The following DOCK4 variants were observed in gnomAD, a reference collection of about 807,000 sequenced individuals.
DOCK4 encodes dedicator of cytokinesis 4.
DOCK4 carries 97 observed loss-of-function variants against 268.1 expected under a neutral mutation model. The observed-to-expected ratio is 0.36, with a 90% CI of 0.31 to 0.43. DOCK4 has a LOEUF of 0.43. Ranked by LOEUF, DOCK4 falls within the 20% of genes least tolerant of loss-of-function variation. The pLI is 1.00. For synonymous variants in DOCK4, 954 were observed against 887.2 expected (o/e 1.08, Z -1.34); for missense variants, 2,145 against 2,455.7 (o/e 0.87, Z 2.67).
At chr7:111,757,601 A>G (rs945052532) in intron 41 of DOCK4, among the ~76,000 whole-genome samples, 1 of 151,868 alleles carries the variant, frequency 6.6e-6, no homozygotes, top group African/African-American at 2.4e-5. Context: ...TATTTAGCCC[A>G]TCAAATCTCT....
chr7:112,078,997 T>C (rs1005407254), intron 1 of DOCK4, among the ~76,000 whole-genome samples: 3 of 151,978 alleles, frequency 2.0e-5, no homozygotes, highest in South Asian at 2.1e-4. Context: ...TATGGTGGCA[T>C]GCGCCTGTAA....
intron 1 of DOCK4, among the ~76,000 whole-genome samples, chr7:112,109,889 C>G (rs1478242343): frequency 6.6e-6 from 1 of 150,452 alleles, no homozygotes; most frequent in East Asian, 1.9e-4. Context: ...GGACTACAGG[C>G]GCCCGCCATC....
At chr7:112,134,311 C>G (rs1228727434) in intron 1 of DOCK4, among the ~76,000 whole-genome samples, 1 of 152,148 alleles carries the variant, frequency 6.6e-6, no homozygotes, top group East Asian at 1.9e-4. Flanking sequence ...CATCAAAAAC[C>G]CTATACATCT....
At chr7:111,745,525 G>C (rs1796200232) in intron 44 of DOCK4, among the ~76,000 whole-genome samples, 1 of 151,154 alleles carries the variant, frequency 6.6e-6, no homozygotes, top group Non-Finnish European at 1.5e-5. Context: ...TACTAAAAAT[G>C]CAAAAAAAAT....
At chr7:112,030,667 CT>C (rs1173931429) in intron 1 of DOCK4, among the ~76,000 whole-genome samples, 1 of 152,098 alleles carries the variant, frequency 6.6e-6, no homozygotes, top group Non-Finnish European at 1.5e-5. Flanking sequence ...TCTTTTGGGA[CT>C]TTGAGCTCTG....
chr7:112,014,597 C>T (rs540646033), intron 1 of DOCK4, among the ~76,000 whole-genome samples: 2 of 152,330 alleles, frequency 1.3e-5, no homozygotes, highest in East Asian at 1.9e-4. Flanking sequence ...AGTTCTACAC[C>T]TCTGTGTTTT....
intron 41 of DOCK4, among the ~76,000 whole-genome samples, chr7:111,756,874 G>T (rs1387072294): frequency 6.6e-6 from 1 of 152,102 alleles, no homozygotes; most frequent in Non-Finnish European, 1.5e-5. Context: ...GTAAGCAGAT[G>T]AATAAGAGCT....
chr7:111,731,290 A>G (rs1298800529), intron 52 of DOCK4, among the ~76,000 whole-genome samples: 2 of 152,164 alleles, frequency 1.3e-5, no homozygotes, highest in African/African-American at 2.4e-5. Flanking sequence ...CTCAATTTCT[A>G]TCAGCAACTA....
chr7:112,037,315 C>G (rs980250013), intron 1 of DOCK4, among the ~76,000 whole-genome samples: 1 of 152,134 alleles, frequency 6.6e-6, no homozygotes, highest in Non-Finnish European at 1.5e-5. Context: ...TTTTACTGTA[C>G]GATGGGTTTG....
chr7:112,140,458 A>T (rs889083161), intron 1 of DOCK4, among the ~76,000 whole-genome samples: 2 of 152,102 alleles, frequency 1.3e-5, no homozygotes, highest in African/African-American at 2.4e-5. Flanking sequence ...GTCATTCCTT[A>T]AGATTAATAT....
intron 1 of DOCK4, among the ~76,000 whole-genome samples, chr7:112,183,817 G>A (rs1211308858): frequency 2.6e-5 from 4 of 152,252 alleles, no homozygotes; most frequent in South Asian, 2.1e-4. Context: ...ATCCATGTGC[G>A]GTTTCCCAGC....
At chr7:112,101,154 G>GA (rs1438365845) in intron 1 of DOCK4, among the ~76,000 whole-genome samples, 3 of 152,170 alleles carry the variant, frequency 2.0e-5, no homozygotes, top group Non-Finnish European at 2.9e-5. Flanking sequence ...CAACCCGTCA[G>GA]AAAAAATGTC....
At chr7:111,809,433 G>A (rs1290784041) in intron 28 of DOCK4, 32 bp from the exon 29 acceptor site, 1 of 1,505,232 alleles carries the variant, frequency 6.6e-7, no homozygotes, top group East Asian at 2.5e-5. Flanking sequence ...TCAATACTAT[G>A]GTGTTACAAG....
chr7:111,857,717 G>A (rs549868957), intron 23 of DOCK4, among the ~76,000 whole-genome samples: 3 of 152,278 alleles, frequency 2.0e-5, no homozygotes, highest in African/African-American at 4.8e-5. Context: ...AAGTCCGGCA[G>A]ACCCTGTTCC....
chr7:111,777,378 A>G (rs1399602845), intron 36 of DOCK4, among the ~76,000 whole-genome samples: 1 of 152,224 alleles, frequency 6.6e-6, no homozygotes, highest in Non-Finnish European at 1.5e-5. Context: ...AAAATATTAT[A>G]ACAGAAGGAA....
At chr7:111,925,553 G>A (rs973472203) in intron 12 of DOCK4, among the ~76,000 whole-genome samples, 1 of 152,158 alleles carries the variant, frequency 6.6e-6, no homozygotes, top group Non-Finnish European at 1.5e-5. Flanking sequence ...ATGCAGATGG[G>A]AAAATGGGAG....
rs7811216 is a variant in DOCK4 at position 111,937,459 on chromosome 7, A to G, written c.978-1831T>C. Among the ~76,000 whole-genome samples, 496 of 152,220 alleles carry G rather than the reference A, an allele frequency of 3.3e-3. 2 individuals are homozygous for G. The highest frequency in any genetic ancestry group is 0.012 in the African/African-American group (481 of 41,528). ...GCAGACAATAAAAAAAAACACAAAG[A>G]GCAGAACAATTTGTCTTCATGAGTG... On this transcript the variant is annotated intron_variant, in intron 11 of 52. Coordinates refer to ENST00000428084, the MANE Select transcript of DOCK4 (RefSeq NM_001363540.2).
chr7:112,169,714 T>A (rs550338332), intron 1 of DOCK4, among the ~76,000 whole-genome samples: 11 of 152,172 alleles, frequency 7.2e-5, no homozygotes, highest in African/African-American at 2.7e-4. Context: ...GATTCCAGCA[T>A]ACAAACCAAG....
chr7:111,844,182 C>T (rs937155626), intron 25 of DOCK4, among the ~76,000 whole-genome samples: 12 of 151,984 alleles, frequency 7.9e-5, no homozygotes, highest in Admixed American at 1.3e-4. Context: ...GGCTGAGGCA[C>T]GGAGAATTAC....
Sources: gnomAD v4.1 joint callset for allele counts (sites outside exome capture counted in the v4.1 genomes callset) on GRCh38, gnomAD v4.1.1 for gene constraint, MANE v1.5 for transcripts, NCBI Gene and HGNC (gene_info 2026-07-23, HGNC 2026-07-21) for gene names.